The following TMOD3 variants were observed in gnomAD, a reference collection of about 807,000 sequenced individuals.
TMOD3 encodes the protein tropomodulin-3.
A neutral mutation model predicts 39.2 loss-of-function variants in TMOD3; 20 were observed. The ratio of observed to expected loss-of-function variants is 0.51; its 90% CI spans 0.36 to 0.74. The LOEUF is 0.74. Ranked by LOEUF, TMOD3 falls within the 30% of genes least tolerant of loss-of-function variation. The pLI, the probability that TMOD3 is intolerant of heterozygous loss-of-function variation, is 0.00. For synonymous variants in TMOD3, 143 were observed against 145.8 expected, an observed-to-expected ratio of 0.98 and a Z score of 0.14; for missense variants, 381 against 412.8, an observed-to-expected ratio of 0.92 and a Z score of 0.67.
chr15:51,890,272 G>A (rs183972593), intron 5 of TMOD3, among the ~76,000 whole-genome samples: 15 of 150,290 alleles, frequency 1.0e-4, no homozygotes, highest in Admixed American at 1.3e-4. Context: ...AGGTTCAAGC[G>A]CTTCTCTTGC....
chr15:51,898,378 C>G (rs935274785), intron 7 of TMOD3, among the ~76,000 whole-genome samples: 7 of 152,174 alleles, frequency 4.6e-5, no homozygotes, highest in African/African-American at 1.4e-4. Context: ...AAATACCAAC[C>G]CCATTCCCAC....
intron 1 of TMOD3, chr15:51,860,662 A>G (rs1972419): frequency 0.65 from 327,507 of 507,362 alleles, 109,384 homozygotes; most frequent in East Asian, 1. Context: ...GAGGCCAGGC[A>G]CGGTGGCTCA....
At chr15:51,896,384 A>G in intron 6 of TMOD3, 35 bp from the exon 7 acceptor site, 1 of 1,414,196 alleles carries the variant, frequency 7.1e-7, no homozygotes, top group Non-Finnish European at 9.8e-7. Flanking sequence ...ATGAAAATTG[A>G]AATGTAATGA....
intron 2 of TMOD3, among the ~76,000 whole-genome samples, chr15:51,869,003 C>A (rs889036009): frequency 6.6e-6 from 1 of 152,120 alleles, no homozygotes; most frequent in Admixed American, 6.6e-5. Flanking sequence ...ATGTATGTGC[C>A]TATTTTAATA....
At chr15:51,846,229 G>C (rs767759006) in intron 1 of TMOD3, among the ~76,000 whole-genome samples, 1 of 152,016 alleles carries the variant, frequency 6.6e-6, no homozygotes, top group African/African-American at 2.4e-5. Flanking sequence ...TACTTGAGAG[G>C]CTGAAGTGGG....
chr15:51,864,905 C>G (rs1313472091), intron 2 of TMOD3, among the ~76,000 whole-genome samples: 1 of 152,114 alleles, frequency 6.6e-6, no homozygotes, highest in African/African-American at 2.4e-5. Context: ...AGTGCGCTCT[C>G]TAGCCAGCCC....
intron 7 of TMOD3, among the ~76,000 whole-genome samples, chr15:51,896,879 A>G (rs2056623597): frequency 6.6e-6 from 1 of 152,180 alleles, no homozygotes; most frequent in South Asian, 2.1e-4. Flanking sequence ...AGAGGATTCC[A>G]TTTATGGATC....
chr15:51,852,823 A>G (rs1415833591), intron 1 of TMOD3, among the ~76,000 whole-genome samples: 1 of 152,220 alleles, frequency 6.6e-6, no homozygotes, highest in Non-Finnish European at 1.5e-5. Flanking sequence ...TCTGCTCTTC[A>G]AGAGCTTTAC....
intron 1 of TMOD3, among the ~76,000 whole-genome samples, chr15:51,842,609 T>G (rs539887518): frequency 2.0e-5 from 3 of 152,302 alleles, no homozygotes; most frequent in Admixed American, 2.0e-4. Context: ...GTTTTCTACA[T>G]TTAGGGCCTA....
intron 3 of TMOD3, among the ~76,000 whole-genome samples, chr15:51,880,598 G>C (rs2056527801): frequency 1.3e-5 from 2 of 152,088 alleles, no homozygotes; most frequent in African/African-American, 4.8e-5. Flanking sequence ...ATGTATTTAT[G>C]GCTGACTTCT....
chr15:51,839,808 A>G (rs985677711), intron 1 of TMOD3, among the ~76,000 whole-genome samples: 9 of 152,296 alleles, frequency 5.9e-5, no homozygotes, highest in African/African-American at 1.2e-4. Context: ...CAGATTAAAT[A>G]TTTTTTAAAC....
At chr15:51,904,640 G>C (rs1296834933) in intron 9 of TMOD3, among the ~76,000 whole-genome samples, 1 of 152,176 alleles carries the variant, frequency 6.6e-6, no homozygotes, top group Non-Finnish European at 1.5e-5. Flanking sequence ...TCACGGCAGG[G>C]GCGCTGACCT....
At chr15:51,897,354 C>A (rs1669048283) in intron 7 of TMOD3, among the ~76,000 whole-genome samples, 1 of 151,782 alleles carries the variant, frequency 6.6e-6, no homozygotes, top group Admixed American at 6.6e-5. Flanking sequence ...ACTTGGATGT[C>A]TAATGGACAT....
intron 1 of TMOD3, among the ~76,000 whole-genome samples, chr15:51,855,173 A>C (rs1391561748): frequency 6.6e-6 from 1 of 152,162 alleles, no homozygotes; most frequent in African/African-American, 2.4e-5. Flanking sequence ...AACAGAATAC[A>C]CTCTGCCACA....
intron 9 of TMOD3, chr15:51,907,250 T>C (rs867267393): frequency 1.3e-5 from 2 of 152,166 alleles, no homozygotes; most frequent in Non-Finnish European, 2.9e-5. Flanking sequence ...ACAGAGAAGA[T>C]GAGCATGGCC....
intron 1 of TMOD3, among the ~76,000 whole-genome samples, chr15:51,858,579 C>A (rs928953577): frequency 6.6e-6 from 1 of 151,926 alleles, no homozygotes; most frequent in Non-Finnish European, 1.5e-5. Context: ...TGTTTTTTTT[C>A]CCCTGTGATT....
At chr15:51,846,436 G>A (rs2056336551) in intron 1 of TMOD3, among the ~76,000 whole-genome samples, 1 of 152,202 alleles carries the variant, frequency 6.6e-6, no homozygotes, top group Admixed American at 6.5e-5. Context: ...CATTCAACTT[G>A]CTCTCAGCAT....
At chr15:51,907,702 G>A (rs953756581) in intron 9 of TMOD3, among the ~76,000 whole-genome samples, 1 of 152,198 alleles carries the variant, frequency 6.6e-6, no homozygotes, top group African/African-American at 2.4e-5. Flanking sequence ...CTAGGAGCCG[G>A]CCACAATGCT....
chr15:51,901,805 T>G, intron 8 of TMOD3, 87 bp from the exon 9 acceptor site: 1 of 1,347,168 alleles, frequency 7.4e-7, no homozygotes, highest in Non-Finnish European at 1.0e-6. Flanking sequence ...GATCAAAGAA[T>G]TAGCATGTGC....
Sources: gnomAD v4.1 joint callset for allele counts (sites outside exome capture counted in the v4.1 genomes callset) on GRCh38, gnomAD v4.1.1 for gene constraint, MANE v1.5 for transcripts, NCBI Gene and HGNC (gene_info 2026-07-23, HGNC 2026-07-21) for gene names.